Variants in ZBTB20 observed in about 807,000 individuals in gnomAD.
ZBTB20 encodes zinc finger and BTB domain containing 20, also known as zinc finger and BTB domain-containing protein 20.
Under a neutral mutation model 56.9 loss-of-function variants are expected in ZBTB20, and 9 were observed. That is an observed-to-expected ratio of 0.16 (90% confidence interval 0.10 to 0.28). ZBTB20 has a LOEUF of 0.28. Ranked by LOEUF, ZBTB20 falls within the 10% of genes least tolerant of loss-of-function variation. ZBTB20 has a pLI of 1.00. For synonymous variants in ZBTB20, 417 were observed against 420.7 expected (o/e 0.99, Z 0.11); for missense variants, 655 against 1,003.0 (o/e 0.65, Z 4.69).
At chr3:114,430,769 A>G (rs1276606532) in intron 7 of ZBTB20, among the ~76,000 whole-genome samples, 1 of 152,206 alleles carries the variant, frequency 6.6e-6, no homozygotes, top group African/African-American at 2.4e-5. Context: ...CACTGCTCCT[A>G]CAAAAACCTG....
At chr3:114,343,130 A>G (rs970585182) in intron 11 of ZBTB20, among the ~76,000 whole-genome samples, 7 of 150,630 alleles carry the variant, frequency 4.6e-5, no homozygotes, top group African/African-American at 1.7e-4. Flanking sequence ...TAACTCTACC[A>G]TGACTGAAAA....
At chr3:114,701,452 T>A (rs2108376873) in intron 5 of ZBTB20, among the ~76,000 whole-genome samples, 1 of 152,202 alleles carries the variant, frequency 6.6e-6, no homozygotes, top group South Asian at 2.1e-4. Context: ...GGGGAGGAAA[T>A]CATAGCTATA....
At chr3:114,925,910 T>G (rs778816294) in intron 3 of ZBTB20, among the ~76,000 whole-genome samples, 10 of 152,192 alleles carry the variant, frequency 6.6e-5, no homozygotes, top group African/African-American at 9.7e-5. Context: ...ATGTGTTACA[T>G]TGAGCCAAAG....
rs1428482743 is a variant in ZBTB20 at position 114,994,276 on chromosome 3, A to T, written c.-506-19860T>A. Among the ~76,000 whole-genome samples the T allele has an allele frequency of 5.9e-5, 9 of 152,040 alleles. No homozygotes were observed. In the South Asian group the frequency reaches 1.9e-3, roughly 31 times the overall value. On this transcript the variant is annotated intron_variant, in intron 2 of 11. Transcript: ENST00000675478. ...AATTAGAAATAGAAAACCTGAATAAATTTATGATCAATAATTGAGAGAAAA... is the reference window on the plus strand; with the variant it reads ...AATTAGAAATAGAAAACCTGAATAATTTTATGATCAATAATTGAGAGAAAA...
chr3:114,976,777 C>T (rs2078119834), intron 2 of ZBTB20, among the ~76,000 whole-genome samples: 1 of 151,940 alleles, frequency 6.6e-6, no homozygotes, highest in Non-Finnish European at 1.5e-5. Context: ...TATGTTTCCC[C>T]ACTAGATTAC....
chr3:114,547,002 G>C (rs1261863284), intron 6 of ZBTB20, among the ~76,000 whole-genome samples: 15 of 152,182 alleles, frequency 9.9e-5, no homozygotes, highest in Admixed American at 9.2e-4. Flanking sequence ...TAAAGAGTAG[G>C]GGGTAACTAC....
intron 5 of ZBTB20, among the ~76,000 whole-genome samples, chr3:114,761,140 C>T (rs2068407006): frequency 6.6e-6 from 1 of 152,130 alleles, no homozygotes; most frequent in African/African-American, 2.4e-5. Flanking sequence ...AGTTCAGTAA[C>T]ATCTAGCCAT....
At chr3:115,076,608 G>A (rs958000480) in intron 1 of ZBTB20, among the ~76,000 whole-genome samples, 5 of 151,992 alleles carry the variant, frequency 3.3e-5, no homozygotes, top group African/African-American at 1.2e-4. Flanking sequence ...AAAACATACA[G>A]GAAAAGCTTC....
intron 6 of ZBTB20, among the ~76,000 whole-genome samples, chr3:114,562,384 C>T (rs939886537): frequency 6.6e-6 from 1 of 152,016 alleles, no homozygotes; most frequent in African/African-American, 2.4e-5. Flanking sequence ...AGGATGGTCT[C>T]GATCTCTTGA....
chr3:114,351,628 T>G lies in ZBTB20; in HGVS notation c.450A>C (p.Ser150=), dbSNP rs1248563241. 1 of 1,614,026 alleles carries G rather than the reference T, an allele frequency of 6.2e-7. No homozygotes were observed. The highest frequency in any genetic ancestry group is 2.2e-5 in the East Asian group (1 of 44,872). ...ACATGAAGTCAATGAGCTTTTGCAC[T>G]GACTGCACTGACACCACCGACGGGA... is the stretch of plus-strand genomic sequence containing the variant. ...IEIPSVVSVQ[S]VQKLIDFMYS... Residue 150 remains serine, a synonymous_variant, in exon 11 of 12, where the codon TCA becomes TCC. Coordinates refer to ENST00000675478, the MANE Select transcript of ZBTB20 (RefSeq NM_001348800.3).
intron 2 of ZBTB20, among the ~76,000 whole-genome samples, chr3:115,003,864 C>T (rs2079357909): frequency 6.6e-6 from 1 of 151,404 alleles, no homozygotes; most frequent in African/African-American, 2.4e-5. Context: ...TAGAAACAAA[C>T]GTTTTGGAAA....
intron 5 of ZBTB20, among the ~76,000 whole-genome samples, chr3:114,762,292 T>C (rs1039273458): frequency 6.6e-6 from 1 of 152,202 alleles, no homozygotes; most frequent in Non-Finnish European, 1.5e-5. Flanking sequence ...TATAATCATA[T>C]GCTCTTTTCA....
intron 10 of ZBTB20, among the ~76,000 whole-genome samples, chr3:114,354,523 C>G (rs1242310714): frequency 1.3e-5 from 2 of 149,154 alleles, no homozygotes; most frequent in African/African-American, 4.9e-5. Flanking sequence ...TGTAACATCT[C>G]ATTTATTCCT....
chr3:114,798,894 A>C (rs1460229637), intron 5 of ZBTB20, among the ~76,000 whole-genome samples: 1 of 151,920 alleles, frequency 6.6e-6, no homozygotes, highest in Non-Finnish European at 1.5e-5. Flanking sequence ...TTGCATCACC[A>C]GAAGCTCATT....
chr3:114,349,717 C>T (rs1272088633), intron 11 of ZBTB20, among the ~76,000 whole-genome samples: 1 of 152,170 alleles, frequency 6.6e-6, no homozygotes, highest in Non-Finnish European at 1.5e-5. Context: ...ATAATAGCTA[C>T]CACTTATAGA....
intron 6 of ZBTB20, among the ~76,000 whole-genome samples, chr3:114,563,139 GT>G: frequency 6.6e-6 from 1 of 152,234 alleles, no homozygotes; most frequent in South Asian, 2.1e-4. Context: ...ATAGAAAGAG[GT>G]ATGCTTCTAT....
chr3:114,801,305 CT>C (rs1271102943), intron 4 of ZBTB20, 131 bp from the exon 5 acceptor site: 1,558 of 55,314 alleles, frequency 0.028, 9 homozygotes, highest in African/African-American at 0.055. Flanking sequence ...TTCTTTTTTT[CT>C]TTTTTTTTTT....
At chr3:115,064,742 C>T (rs916474689) in intron 2 of ZBTB20, among the ~76,000 whole-genome samples, 21 of 152,096 alleles carry the variant, frequency 1.4e-4, no homozygotes, top group African/African-American at 3.9e-4. Flanking sequence ...CGTGAGCCAC[C>T]GTGCCCGGCC....
At chr3:114,925,489 G>T (rs2076121063) in intron 3 of ZBTB20, among the ~76,000 whole-genome samples, 1 of 152,056 alleles carries the variant, frequency 6.6e-6, no homozygotes, top group Non-Finnish European at 1.5e-5. Context: ...TTACTGGGTT[G>T]AAGTAATTAT....
Sources: allele counts gnomAD v4.1 joint callset (sites outside exome capture counted in the v4.1 genomes callset), GRCh38; gene constraint gnomAD v4.1.1; transcripts MANE v1.5; gene names NCBI Gene and HGNC (gene_info 2026-07-23, HGNC 2026-07-21).